The following ZNF714 variants were observed in gnomAD, a reference collection of about 807,000 sequenced individuals.
ZNF714 encodes the protein zinc finger protein 714.
In ZNF714, 32 loss-of-function variants were observed where a neutral mutation model predicts 46.2. The observed-to-expected ratio is 0.69, with a 90% confidence interval of 0.52 to 0.93. The LOEUF (loss-of-function observed/expected upper bound fraction) is 0.93. Ranked by LOEUF, ZNF714 falls within the 40% of genes least tolerant of loss-of-function variation. The pLI, the probability that ZNF714 is intolerant of heterozygous loss-of-function variation, is 0.00. For synonymous variants in ZNF714, 199 were observed against 213.1 expected (o/e 0.93, Z 0.58); for missense variants, 635 against 646.3 (o/e 0.98, Z 0.19).
At chr19:21,083,912 T>C in intron 1 of ZNF714, 66 bp from the exon 2 acceptor site, 2 of 858,430 alleles carry the variant, frequency 2.3e-6, no homozygotes, top group African/African-American at 1.9e-5. Flanking sequence ...AACCAAGATA[T>C]CCACCATGGT....
At chr19:21,098,119 A>G (rs2144842069) in intron 2 of ZNF714, 66 bp from the exon 3 acceptor site, 2 of 1,534,744 alleles carry the variant, frequency 1.3e-6, no homozygotes, top group East Asian at 4.7e-5. Context: ...ACCTTAATTC[A>G]AATAATAAAT....
intron 4 of ZNF714, among the ~76,000 whole-genome samples, chr19:21,112,796 A>C (rs1599551700): frequency 8.3e-6 from 1 of 121,002 alleles, no homozygotes; most frequent in East Asian, 2.5e-4. Flanking sequence ...CATTGGTTTC[A>C]AATAGTTTTT....
At chr19:21,105,369 T>C (rs1023561492) in intron 4 of ZNF714, among the ~76,000 whole-genome samples, 3 of 152,200 alleles carry the variant, frequency 2.0e-5, no homozygotes, top group African/African-American at 7.2e-5. Context: ...TGTTCAGTTT[T>C]AAGAGTTGTT....
intron 2 of ZNF714, chr19:21,091,604 A>G (rs1968910910): frequency 1.3e-5 from 2 of 151,930 alleles, no homozygotes; most frequent in African/African-American, 2.4e-5. Context: ...AACTATTTCT[A>G]GAGAACACAA....
At chr19:21,089,162 A>G (rs112459265) in intron 2 of ZNF714, among the ~76,000 whole-genome samples, 10 of 152,336 alleles carry the variant, frequency 6.6e-5, no homozygotes, top group African/African-American at 2.4e-4. Context: ...AGAGAAACTT[A>G]GATTTTGAGA....
At chr19:21,091,288 G>T (rs892760377) in intron 2 of ZNF714, 3 of 152,122 alleles carry the variant, frequency 2.0e-5, no homozygotes, top group Non-Finnish European at 4.4e-5. Context: ...ATGACCATAG[G>T]TCACTCTCAT....
chr19:21,116,051 T>C (rs1223861454), intron 4 of ZNF714, among the ~76,000 whole-genome samples: 3 of 152,084 alleles, frequency 2.0e-5, no homozygotes, highest in Non-Finnish European at 2.9e-5. Context: ...ATTGTAATCT[T>C]TGATTAAAAT....
chr19:21,112,282 C>T (rs1969464895), intron 4 of ZNF714, among the ~76,000 whole-genome samples: 1 of 152,130 alleles, frequency 6.6e-6, no homozygotes, highest in Non-Finnish European at 1.5e-5. Flanking sequence ...TGTTATAGGT[C>T]TATTCAGGGA....
chr19:21,090,483 A>G (rs376794303), intron 2 of ZNF714, among the ~76,000 whole-genome samples: 40 of 152,318 alleles, frequency 2.6e-4, no homozygotes, highest in African/African-American at 7.7e-4. Flanking sequence ...GAGAATAGCA[A>G]TGAATATCCC....
chr19:21,116,926 G>T lies in ZNF714; in HGVS notation c.262G>T (p.Gly88Cys). ...ACATGAGAATTTACAGTTAAGAAAA[G>T]GCTCCGCAAATGTGGTTGAGTGTAA... ...CEHENLQLRK[G>C]SANVVECKVY... Residue 88 changes from glycine to cysteine, a missense_variant, in exon 5 of 5, where the codon GGC (glycine) becomes TGC (cysteine). Coordinates refer to ENST00000456283, the MANE Select transcript of ZNF714 (RefSeq NM_182515.4). The T allele has an allele frequency of 6.2e-7, 1 of 1,613,868 alleles. No homozygotes were observed. The highest frequency in any genetic ancestry group is 8.5e-7 in the Non-Finnish European group (1 of 1,179,904).
At chr19:21,091,893 A>C (rs1185413863) in intron 2 of ZNF714, 2 of 152,158 alleles carry the variant, frequency 1.3e-5, no homozygotes, top group Non-Finnish European at 2.9e-5. Context: ...TGGCATCTAC[A>C]ATGAGGGCAA....
At position 21,124,715 on chromosome 19, in the gene ZNF714, C is replaced by T. The variant is rs1369704753; in HGVS notation, c.*6383C>T. On this transcript the variant is annotated 3_prime_UTR_variant, in exon 5 of 5. Coordinates refer to ENST00000456283, the MANE Select transcript of ZNF714 (RefSeq NM_182515.4). ...TCTTGAACTTATTTCTCCTATTTGACTATAATTACTTATTATTTGACAGAC... is the reference window on the plus strand; with the variant it reads ...TCTTGAACTTATTTCTCCTATTTGATTATAATTACTTATTATTTGACAGAC... 6.6e-6 allele frequency among the ~76,000 whole-genome samples: 1 copy of T among 152,024 alleles called. No homozygotes were observed. The highest frequency in any genetic ancestry group is 1.5e-5 in the Non-Finnish European group (1 of 68,002).
chr19:21,106,032 C>T (rs1479979748), intron 4 of ZNF714, among the ~76,000 whole-genome samples: 3 of 151,448 alleles, frequency 2.0e-5, no homozygotes, highest in African/African-American at 4.9e-5. Flanking sequence ...GGGAGGGTCA[C>T]GTGAGGGTCA....
chr19:21,114,664 T>C lies in ZNF714; in HGVS notation c.143-2143T>C, dbSNP rs892290530. On this transcript the variant is annotated intron_variant, in intron 4 of 4. Coordinates refer to ENST00000456283, the MANE Select transcript of ZNF714 (RefSeq NM_182515.4). Reference sequence around the variant, plus strand: ...ATTACATTTAAGGCTAATATTGTTATGTTTGATTTTGATTCTATCCAAGTG... The same window carrying C: ...ATTACATTTAAGGCTAATATTGTTACGTTTGATTTTGATTCTATCCAAGTG... Among the ~76,000 whole-genome samples, 9 of 152,322 alleles carry C rather than the reference T, an allele frequency of 5.9e-5. No individual in the cohort carries two copies. The East Asian group carries it at 1.4e-3, about 23-fold the overall frequency.
rs773785471 is a variant in ZNF714, at chr19:21,123,382, T to TA, written c.*5050_*5051insA. On this transcript the variant is annotated 3_prime_UTR_variant, in exon 5 of 5. Coordinates refer to ENST00000456283, the MANE Select transcript of ZNF714 (RefSeq NM_182515.4). ...TACTTTTTATTTTTTAGAGACAGAGTCTTGCTCTGTCTCCCAGGCTAGAGT... is the reference window on the plus strand; with the variant it reads ...TACTTTTTATTTTTTAGAGACAGAGTACTTGCTCTGTCTCCCAGGCTAGAGT... 6.6e-6 allele frequency among the ~76,000 whole-genome samples: 1 copy of TA among 152,104 alleles called. No individual in the cohort carries two copies. Among genetic ancestry groups the TA allele is most frequent in the East Asian group, 1.9e-4 (1 of 5,162 alleles).
intron 4 of ZNF714, among the ~76,000 whole-genome samples, chr19:21,100,852 C>T (rs564233153): frequency 6.6e-6 from 1 of 151,986 alleles, no homozygotes; most frequent in African/African-American, 2.4e-5. Flanking sequence ...GGACTACAGG[C>T]GCCCACCACT....
In ZNF714 at chr19:21,124,364, T is replaced by G. The variant is rs749725733; in HGVS notation, c.*6032T>G. ...AATATTTTGAACATGCTGTTAAATA[T>G]CAGAGTTCCTATGATTATGACTAAA... On this transcript the variant is annotated 3_prime_UTR_variant, in exon 5 of 5. Coordinates refer to ENST00000456283, the MANE Select transcript of ZNF714 (RefSeq NM_182515.4). 2.4e-4 allele frequency among the ~76,000 whole-genome samples: 36 copies of G among 152,238 alleles called. No individual in the cohort carries two copies. Among genetic ancestry groups the G allele is most frequent in the Non-Finnish European group, 5.1e-4 (35 of 68,048 alleles).
intron 4 of ZNF714, among the ~76,000 whole-genome samples, chr19:21,106,622 A>C (rs1433191269): frequency 6.6e-6 from 1 of 152,042 alleles, no homozygotes; most frequent in Non-Finnish European, 1.5e-5. Flanking sequence ...AAATGATTCA[A>C]CTTTATCAGT....
At chr19:21,112,536 A>AT (rs34412157) in intron 4 of ZNF714, among the ~76,000 whole-genome samples, 14,428 of 143,736 alleles carry the variant, frequency 0.1, 2,319 homozygotes, top group African/African-American at 0.34. Flanking sequence ...GGATTCATTG[A>AT]TTTTTTTTTT....
Sources: allele counts gnomAD v4.1 joint callset (sites outside exome capture counted in the v4.1 genomes callset), GRCh38; gene constraint gnomAD v4.1.1; transcripts MANE v1.5; gene names NCBI Gene and HGNC (gene_info 2026-07-23, HGNC 2026-07-21).